The following NPHP4 variants were observed in gnomAD, a reference collection of about 807,000 sequenced individuals.
NPHP4 encodes nephrocystin-4.
A neutral mutation model predicts 155.8 loss-of-function variants in NPHP4; 151 were observed. The ratio of observed to expected loss-of-function variants is 0.97; its 90% CI spans 0.85 to 1.11. The LOEUF is 1.11. Ranked by LOEUF, NPHP4 falls within the 50% of genes least tolerant of loss-of-function variation. NPHP4 has a pLI of 0.00. For synonymous variants in NPHP4, 845 were observed against 816.8 expected, an observed-to-expected ratio of 1.03 and a Z score of -0.59; for missense variants, 1,956 against 1,925.7, an observed-to-expected ratio of 1.02 and a Z score of -0.29.
chr1:5,940,229 C>T (rs932546474), intron 9 of NPHP4, among the ~76,000 whole-genome samples: 3 of 152,108 alleles, frequency 2.0e-5, no homozygotes, highest in Non-Finnish European at 2.9e-5. Context: ...GCCATTGTCT[C>T]GGGAATGGGC....
At position 5,867,121 on chromosome 1, in the gene NPHP4, G is replaced by A. The variant is rs1461579821; in HGVS notation, c.3473-6C>T. The stretch of plus-strand genomic sequence containing the variant: ...AAGCATTCCCACCGGAGCACCTGGA[G>A]CAGGGGAAATGTCAAAAAGAGTCTT... On this transcript the variant is annotated splice_polypyrimidine_tract_variant and splice_region_variant and intron_variant, in intron 24 of 29. Coordinates refer to ENST00000378156, the MANE Select transcript of NPHP4 (RefSeq NM_015102.5). This position sits in a 1 kb window ranked among gnomAD's most constrained non-coding sequence, Gnocchi z 4.1. 2 of 1,607,904 alleles carry A rather than the reference G, an allele frequency of 1.2e-6. No homozygotes were observed. The highest frequency in any genetic ancestry group is 1.1e-5 in the South Asian group (1 of 89,926).
chr1:5,902,102 C>A (rs1644710540), intron 16 of NPHP4, among the ~76,000 whole-genome samples: 2 of 152,254 alleles, frequency 1.3e-5, no homozygotes, highest in Non-Finnish European at 2.9e-5. Flanking sequence ...TGGCCTCTCT[C>A]TGCCCAGCCC....
rs116233096 is a variant in NPHP4, at chr1:5,882,452, C to G, written c.2486-2213G>C. 1 of 153,244 alleles carries G rather than the reference C, an allele frequency of 6.5e-6. No homozygotes were observed. The highest frequency in any genetic ancestry group is 1.5e-5 in the Non-Finnish European group (1 of 68,640). The allele number at this position is 153,244 out of a possible 1,614,324, so 9.5% of individuals were successfully genotyped here. ...CAATGTCCCAGTAGCTGACACCCCC[C>G]GCCTCTTGTTCTTTCTCCTTGACCT... is the stretch of plus-strand genomic sequence containing the variant. On this transcript the variant is annotated intron_variant, in intron 18 of 29. Coordinates refer to ENST00000378156, the MANE Select transcript of NPHP4 (RefSeq NM_015102.5). This position sits in a 1 kb window ranked among gnomAD's most constrained non-coding sequence, Gnocchi z 5.1.
rs190560387 is a variant in NPHP4 at position 5,943,138 on chromosome 1, C to T, written c.1119+3966G>A. 1.4e-4 allele frequency among the ~76,000 whole-genome samples: 21 copies of T among 152,354 alleles called. No homozygotes were observed. In the East Asian group the frequency reaches 3.9e-3, roughly 28 times the overall value. On this transcript the variant is annotated intron_variant, in intron 9 of 29. Coordinates refer to ENST00000378156, the MANE Select transcript of NPHP4 (RefSeq NM_015102.5). ...AAAGTGGTCTGGACAGGAGGGACTACTTCTTTGGTAGTTTCTTTAGCTTCT... is the reference window on the plus strand; with the variant it reads ...AAAGTGGTCTGGACAGGAGGGACTATTTCTTTGGTAGTTTCTTTAGCTTCT...
At chr1:5,868,885 C>G (rs1641615528) in intron 23 of NPHP4, among the ~76,000 whole-genome samples, 1 of 145,344 alleles carries the variant, frequency 6.9e-6, no homozygotes. Flanking sequence ...CCCACACGCA[C>G]ACATATGCAC....
chr1:5,891,175 T>A, intron 16 of NPHP4, 147 bp from the exon 17 acceptor site: 1 of 513,684 alleles, frequency 1.9e-6, no homozygotes, highest in Non-Finnish European at 3.3e-6. Flanking sequence ...AAAAACATCA[T>A]AAAATATTCA....
chr1:5,904,914 C>T (rs2101125368), intron 15 of NPHP4, 110 bp from the exon 16 acceptor site: 7 of 1,121,762 alleles, frequency 6.2e-6, no homozygotes, highest in Non-Finnish European at 9.3e-6. Flanking sequence ...CGCTGGGGAA[C>T]AGTAAAGAGG....
Position 5,888,286 on chromosome 1 carries a change from G to A in NPHP4, c.2305-820C>T, listed in dbSNP as rs532852890. On this transcript the variant is annotated intron_variant, in intron 17 of 29. Transcript: ENST00000378156. ...TGTGAGGCATGTGGGGGATGACAAC[G>A]GCCTCACGGCTGTGCCCCAGGCGTG... 1.6e-3 allele frequency: 1,565 copies of A among 957,904 alleles called. 2 individuals carry two copies. The highest frequency in any genetic ancestry group is 2.1e-3 in the Middle Eastern group (4 of 1,878). The allele number at this position is 957,904 out of a possible 1,614,324, so 59.3% of individuals were successfully genotyped here. A position where few individuals can be genotyped will look rare whatever the true frequency, so the allele number is the denominator to read the frequency against.
chr1:5,925,987 C>T (rs1645983828), intron 11 of NPHP4, among the ~76,000 whole-genome samples: 1 of 152,146 alleles, frequency 6.6e-6, no homozygotes, highest in African/African-American at 2.4e-5. Context: ...TGTCCTATGC[C>T]TTGAATGCAT....
chr1:5,913,127 G>A (rs1253063571), intron 11 of NPHP4, among the ~76,000 whole-genome samples: 1 of 149,178 alleles, frequency 6.7e-6, no homozygotes, highest in East Asian at 2.0e-4. Flanking sequence ...CTCCAACCTG[G>A]GCAAAAAGAG....
rs931907795 is a variant in NPHP4, at chr1:5,905,720, C to T, written c.1675G>A (p.Val559Ile). ...TGTTCGGCAATGGATGTTTCCAGGACCAGGGAGGTCTGGCTCAGGTCGGCT... is the reference window on the plus strand; with the variant it reads ...TGTTCGGCAATGGATGTTTCCAGGATCAGGGAGGTCTGGCTCAGGTCGGCT... ...LEADLSQTSL[V>I]LETSIAEQLQ... The change falls in exon 14 of 30, where the codon GTC becomes ATC. Residue 559 changes from valine to isoleucine, a missense_variant. Val to Ile is a conservative substitution (Grantham distance 29, BLOSUM62 3). Transcript: ENST00000378156. The surrounding 1 kb of genome is among the most constrained non-coding windows in gnomAD (Gnocchi z 4.0). 8.1e-6 allele frequency: 13 copies of T among 1,613,524 alleles called. No homozygotes were observed. Among genetic ancestry groups the T allele is most frequent in the Non-Finnish European group, 1.1e-5 (13 of 1,179,744 alleles).
At chr1:5,876,290 T>TCATGCCCTGGC (rs1553157930) in intron 20 of NPHP4, 2 of 152,288 alleles carry the variant, frequency 1.3e-5, no homozygotes, top group Non-Finnish European at 2.9e-5. Flanking sequence ...GAGGCCCCAG[T>TCATGCCCTGGC]CATGCCCTGG....
chr1:5,934,762 G>A (rs900965880), intron 9 of NPHP4, among the ~76,000 whole-genome samples: 2 of 152,170 alleles, frequency 1.3e-5, no homozygotes, highest in East Asian at 1.9e-4. Flanking sequence ...TCTTGGTGAC[G>A]AATGGACGCC....
At chr1:5,991,921 C>CCAGGCGGCAGGGGGCAGGGGG (rs202139287) in intron 1 of NPHP4, among the ~76,000 whole-genome samples, 1 of 100,962 alleles carries the variant, frequency 9.9e-6, no homozygotes, top group Non-Finnish European at 2.1e-5. Context: ...TGCAGAGAGG[C>CCAGGCGGCAGGGGGCAGGGGG]CAGGGGGCAG....
At chr1:5,936,002 C>T (rs1287636939) in intron 9 of NPHP4, among the ~76,000 whole-genome samples, 1 of 152,170 alleles carries the variant, frequency 6.6e-6, no homozygotes, top group African/African-American at 2.4e-5. Context: ...ATTACAGGAT[C>T]AAAAACAAAA....
intron 18 of NPHP4, among the ~76,000 whole-genome samples, chr1:5,883,067 T>C (rs1442465459): frequency 6.6e-6 from 1 of 151,906 alleles, no homozygotes; most frequent in African/African-American, 2.4e-5. Context: ...CATCACTCTC[T>C]CCACCACGGC....
intron 5 of NPHP4, among the ~76,000 whole-genome samples, chr1:5,966,715 T>C (rs1224691227): frequency 6.6e-6 from 1 of 152,168 alleles, no homozygotes; most frequent in Non-Finnish European, 1.5e-5. Context: ...ACAGCCTCTG[T>C]GCTCTGAGCC....
intron 23 of NPHP4, among the ~76,000 whole-genome samples, chr1:5,870,043 G>C (rs1245108694): frequency 6.6e-6 from 1 of 152,142 alleles, no homozygotes; most frequent in African/African-American, 2.4e-5. Context: ...ACACCTCTTA[G>C]GTCTCTGCTG....
intron 3 of NPHP4, among the ~76,000 whole-genome samples, chr1:5,976,390 G>A (rs1370417712): frequency 6.6e-6 from 1 of 152,192 alleles, no homozygotes; most frequent in Non-Finnish European, 1.5e-5. Context: ...CCGCCGCATG[G>A]CTGTCACAAC....
Sources: gnomAD v4.1 joint callset for allele counts (sites outside exome capture counted in the v4.1 genomes callset) on GRCh38, gnomAD v4.1.1 for gene constraint, Gnocchi (gnomAD v3.1) non-coding constraint, MANE v1.5 for transcripts, NCBI Gene and HGNC (gene_info 2026-07-23, HGNC 2026-07-21) for gene names.